The following KMT2A variants were observed in gnomAD, a reference collection of about 807,000 sequenced individuals.
The protein encoded by KMT2A is histone-lysine N-methyltransferase 2A.
KMT2A carries 16 observed loss-of-function variants against 345.3 expected under a neutral mutation model. The observed-to-expected ratio is 0.05, with a 90% confidence interval of 0.03 to 0.07. The LOEUF (loss-of-function observed/expected upper bound fraction) is 0.07. Among genes scored for constraint, KMT2A ranks in the 10% least tolerant of loss-of-function variants. The probability of loss-of-function intolerance (pLI) is 1.00; values close to 1 mark genes in which losing one functional copy is unlikely to be tolerated. For synonymous variants in KMT2A, 1,599 were observed against 1,778.6 expected, an observed-to-expected ratio of 0.90 and a Z score of 2.54; for missense variants, 3,272 against 4,841.6, an observed-to-expected ratio of 0.68 and a Z score of 9.62.
chr11:118,522,401 G>T lies in KMT2A; in HGVS notation c.*229G>T. ...GATCCATGATCGGCTTTCTCCTGGG[G>T]CCCCTCCAATTGTTTACTGTTAGAA... On this transcript the variant is annotated 3_prime_UTR_variant, in exon 36 of 36. Transcript: ENST00000534358. The surrounding 1 kb of genome is among the most constrained non-coding windows in gnomAD (Gnocchi z 5.4). 1.9e-6 allele frequency: 1 copy of T among 518,404 alleles called. No individual in the cohort carries two copies. Among genetic ancestry groups the T allele is most frequent in the Non-Finnish European group, 3.4e-6 (1 of 289,916 alleles). 32.1% of individuals were successfully genotyped at this position (518,404 alleles called of 1,614,324 possible).
intron 1 of KMT2A, chr11:118,447,711 A>G (rs1486955207): frequency 9.1e-6 from 4 of 441,626 alleles, no homozygotes; most frequent in South Asian, 1.6e-5. Flanking sequence ...AGTCAGTCCT[A>G]TGAGGAAAGG....
rs200708161 is a variant in KMT2A, at chr11:118,482,474, A to G, written c.4065A>G (p.Val1355=). 1.2e-6 allele frequency: 2 copies of G among 1,613,068 alleles called. No individual in the cohort carries two copies. Among genetic ancestry groups the G allele is most frequent in the Admixed American group, 3.3e-5 (2 of 59,986 alleles). Residue 1355 remains valine, a synonymous_variant, in exon 8 of 36, where the codon GTA becomes GTG. Transcript: ENST00000534358. Reference sequence around the variant, plus strand: ...TGGCTCCCCGCCCAAGTATCCCTGTAAAACAAAAACCAAAAGAAAAGGTGA... The same window carrying G: ...TGGCTCCCCGCCCAAGTATCCCTGTGAAACAAAAACCAAAAGAAAAGGTGA... ...KKVAPRPSIP[V]KQKPKEKEKP...
Position 118,476,648 on chromosome 11 carries a change from T to C in KMT2A, c.3157-157T>C, listed in dbSNP as rs75970907. On this transcript the variant is annotated intron_variant, in intron 3 of 35. Transcript: ENST00000534358. The surrounding 1 kb of genome is among the most constrained non-coding windows in gnomAD (Gnocchi z 4.1). ...CTGCCAATTAGGATACAGTAATAGT[T>C]GATTTCTGTTTTGATATGATTTATC... Among the ~76,000 whole-genome samples the C allele has an allele frequency of 6.6e-6, 1 of 152,250 alleles. No individual in the cohort carries two copies. The highest frequency in any genetic ancestry group is 2.4e-5 in the African/African-American group (1 of 41,470).
chr11:118,473,196 T>G lies in KMT2A; in HGVS notation c.2037T>G (p.Phe679Leu). The change falls in exon 3 of 36, where the codon TTT becomes TTG. Residue 679 changes from phenylalanine to leucine, a missense_variant. Phe to Leu is a conservative substitution (Grantham distance 22). This residue lies in a region of KMT2A where 114 missense variants were observed against 203.2 expected (regional missense o/e 0.56). Coordinates refer to ENST00000534358, the MANE Select transcript of KMT2A (RefSeq NM_001197104.2). This position sits in a 1 kb window ranked among gnomAD's most constrained non-coding sequence, Gnocchi z 5.2. ...ASGTAASARLFSPLHSGTRFD... is the reference protein window; with the variant it reads ...ASGTAASARLLSPLHSGTRFD... ...GTACCGCTGCTTCAGCCCGATTGTT[T>G]TCGCCACTCCATTCTGGAACAAGGT... 1 of 1,613,840 alleles carries G rather than the reference T, an allele frequency of 6.2e-7. No individual in the cohort carries two copies. Among genetic ancestry groups the G allele is most frequent in the Non-Finnish European group, 8.5e-7 (1 of 1,179,894 alleles).
intron 1 of KMT2A, among the ~76,000 whole-genome samples, chr11:118,465,841 A>T (rs1949833754): frequency 6.6e-6 from 1 of 152,156 alleles, no homozygotes; most frequent in Non-Finnish European, 1.5e-5. Flanking sequence ...TTTAAAAGTT[A>T]ACAGTATGGA....
At chr11:118,515,775 G>A (rs1463395656) in intron 31 of KMT2A, among the ~76,000 whole-genome samples, 9 of 134,032 alleles carry the variant, frequency 6.7e-5, no homozygotes, top group Admixed American at 4.5e-4. Flanking sequence ...TGCAACCTCC[G>A]CCTCCCGGGT....
In KMT2A at chr11:118,520,436, A is replaced by G; in HGVS notation, c.11430-366A>G. 1 of 332,034 alleles carries G rather than the reference A, an allele frequency of 3.0e-6. No homozygotes were observed. Among genetic ancestry groups the G allele is most frequent in the Non-Finnish European group, 5.5e-6 (1 of 180,456 alleles). 20.6% of individuals were successfully genotyped at this position (332,034 alleles called of 1,614,324 possible). On this transcript the variant is annotated intron_variant, in intron 33 of 35. Transcript: ENST00000534358. The surrounding 1 kb of genome is among the most constrained non-coding windows in gnomAD (Gnocchi z 4.3). ...GGAAGTCCGAGGCGGACAGATCATG[A>G]GGTCAGGAGTTCGAGACCAGCCTGA...
At position 118,523,688 on chromosome 11, in the gene KMT2A, T is replaced by A. The variant is rs1372019064; in HGVS notation, c.*1516T>A. The A allele has an allele frequency of 4.4e-6, 1 of 226,566 alleles. No individual in the cohort carries two copies. The highest frequency in any genetic ancestry group is 8.8e-6 in the Non-Finnish European group (1 of 113,784). The allele number at this position is 226,566 out of a possible 1,614,324, so 14.0% of individuals were successfully genotyped here. On this transcript the variant is annotated 3_prime_UTR_variant, in exon 36 of 36. Coordinates refer to ENST00000534358, the MANE Select transcript of KMT2A (RefSeq NM_001197104.2). ...TTAAAAGAAGATCGGTTTTTAATAA[T>A]TTTTTATTTTCATAGGATGAAGTTA...
rs143420861 is a variant in KMT2A, at chr11:118,472,649, A to G, written c.1490A>G (p.Gln497Arg). 2.5e-6 allele frequency: 4 copies of G among 1,612,890 alleles called. No homozygotes were observed. The highest frequency in any genetic ancestry group is 1.7e-5 in the Admixed American group (1 of 59,762). ...STDSQASEEI[Q>R]VLPEERSDTP... ...GACTCTCAGGCTTCTGAGGAGATTC[A>G]GGTACTTCCTGAGGAGCGGAGCGAT... The change falls in exon 3 of 36, where the codon CAG becomes CGG. Residue 497 changes from glutamine to arginine, a missense_variant. Physicochemically the swap from Gln to Arg is conservative, Grantham distance 43. Transcript: ENST00000534358.
intron 28 of KMT2A, 84 bp from the exon 29 acceptor site, chr11:118,509,052 C>A: frequency 1.7e-6 from 2 of 1,156,752 alleles, no homozygotes; most frequent in Non-Finnish European, 1.3e-6. Flanking sequence ...ATTTTGTATA[C>A]CACAGCTGTA....
chr11:118,503,102 A>G lies in KMT2A; in HGVS notation c.7210A>G (p.Thr2404Ala), dbSNP rs1555046438. The stretch of plus-strand genomic sequence containing the variant: ...TCCAGATGAAGATACTGAAGTCAAA[A>G]CCTTGAAGCTATCTGGAATGAGCAA... ...SSPDEDTEVK[T>A]LKLSGMSNRS... is the part of the protein sequence containing the mutation. The change falls in exon 27 of 36, where the codon ACC (threonine) becomes GCC (alanine). Residue 2404 changes from threonine (T) to alanine (A), a missense_variant. Transcript: ENST00000534358. This position sits in a 1 kb window ranked among gnomAD's most constrained non-coding sequence, Gnocchi z 5.3. The G allele has an allele frequency of 6.2e-7, 1 of 1,613,180 alleles. No homozygotes were observed. Among genetic ancestry groups the G allele is most frequent in the East Asian group, 2.2e-5 (1 of 44,892 alleles).
intron 29 of KMT2A, 65 bp from the exon 30 acceptor site, chr11:118,509,883 C>T (rs2134430429): frequency 1.7e-6 from 2 of 1,184,726 alleles, no homozygotes; most frequent in Non-Finnish European, 2.4e-6. Flanking sequence ...GTAAAGTACT[C>T]TACATGTAGT....
rs1206955501 is a variant in KMT2A at position 118,481,781 on chromosome 11, T to C, written c.3701T>C (p.Val1234Ala). The C allele has an allele frequency of 6.2e-7, 1 of 1,614,086 alleles. No homozygotes were observed. The highest frequency in any genetic ancestry group is 1.7e-5 in the Admixed American group (1 of 60,010). The change falls in exon 7 of 36, where the codon GTG becomes GCG. Residue 1234 changes from valine (V) to alanine (A), a missense_variant. By Grantham distance (64) the Val-to-Ala change is moderately conservative. Coordinates refer to ENST00000534358, the MANE Select transcript of KMT2A (RefSeq NM_001197104.2). ...EKKDSKESSV[V>A]KNVVDSSQKP... is the part of the protein sequence containing the mutation. ...AAAGACAGCAAAGAGAGCAGTGTTGTGAAGAACGTGGTGGACTCTAGTCAG... is the reference window on the plus strand; with the variant it reads ...AAAGACAGCAAAGAGAGCAGTGTTGCGAAGAACGTGGTGGACTCTAGTCAG...
rs1040958666 is a variant in KMT2A, at chr11:118,525,534, C to T, written c.*3362C>T. 4.9e-5 allele frequency: 11 copies of T among 223,988 alleles called. No individual in the cohort carries two copies. Among genetic ancestry groups the T allele is most frequent in the African/African-American group, 2.2e-4 (10 of 44,636 alleles). 13.9% of individuals were successfully genotyped at this position (223,988 alleles called of 1,614,324 possible). A position where few individuals can be genotyped will look rare whatever the true frequency, so the allele number is the denominator to read the frequency against. On this transcript the variant is annotated 3_prime_UTR_variant, in exon 36 of 36. Coordinates refer to ENST00000534358, the MANE Select transcript of KMT2A (RefSeq NM_001197104.2). ...CCTTTGCCGGGACCCAGCCCGCCAC[C>T]CTGCTCGCCTCCGTCAAACCCCCGG...
Position 118,501,665 on chromosome 11 carries a change from G to A in KMT2A, c.6320-7G>A. On this transcript the variant is annotated splice_polypyrimidine_tract_variant and splice_region_variant and intron_variant, in intron 25 of 35. Coordinates refer to ENST00000534358, the MANE Select transcript of KMT2A (RefSeq NM_001197104.2). ...TTTTAGTTAAGAGTTTTTATTTCCTGCCACAGAAAGTTCATCAAAAGAGAG... is the reference window on the plus strand; with the variant it reads ...TTTTAGTTAAGAGTTTTTATTTCCTACCACAGAAAGTTCATCAAAAGAGAG... 6.3e-7 allele frequency: 1 copy of A among 1,597,608 alleles called. No homozygotes were observed. Among genetic ancestry groups the A allele is most frequent in the Non-Finnish European group, 8.5e-7 (1 of 1,174,168 alleles).
chr11:118,472,870 C>T lies in KMT2A; in HGVS notation c.1711C>T (p.Pro571Ser), dbSNP rs782815641. 6.2e-7 allele frequency: 1 copy of T among 1,614,080 alleles called. No homozygotes were observed. Among genetic ancestry groups the T allele is most frequent in the African/African-American group, 1.3e-5 (1 of 75,014 alleles). The change falls in exon 3 of 36, where the codon CCA becomes TCA. Residue 571 changes from proline (P) to serine (S), a missense_variant. This residue lies in a region of KMT2A where 180 missense variants were observed against 190.7 expected (regional missense o/e 0.94). Coordinates refer to ENST00000534358, the MANE Select transcript of KMT2A (RefSeq NM_001197104.2). ...PPPPLLTPPP[P>S]LQPASSISDH... Reference sequence around the variant, plus strand: ...TCCACCTCTGCTGACTCCACCGCCACCACTGCAGCCAGCCTCCAGTATCTC... The same window carrying T: ...TCCACCTCTGCTGACTCCACCGCCATCACTGCAGCCAGCCTCCAGTATCTC...
At position 118,486,005 on chromosome 11, in the gene KMT2A, C is replaced by A. The variant is rs550155463; in HGVS notation, c.4332+1030C>A. On this transcript the variant is annotated intron_variant, in intron 10 of 35. Coordinates refer to ENST00000534358, the MANE Select transcript of KMT2A (RefSeq NM_001197104.2). The stretch of plus-strand genomic sequence containing the variant: ...GGCTGAGGCAGGAGAACGGCATGAA[C>A]CCGGGAGGTGGAGCTTGCAGTGAGC... Among the ~76,000 whole-genome samples, 375 of 152,294 alleles carry A rather than the reference C, an allele frequency of 2.5e-3. 1 individual carries two copies. The highest frequency in any genetic ancestry group is 0.01 in the South Asian group (49 of 4,826).
chr11:118,520,630 G>A lies in KMT2A; in HGVS notation c.11430-172G>A, dbSNP rs1229761694. The A allele has an allele frequency of 1.3e-5, 8 of 596,514 alleles. No individual in the cohort carries two copies. The highest frequency in any genetic ancestry group is 4.6e-4 in the Middle Eastern group (1 of 2,194). The allele number at this position is 596,514 out of a possible 1,614,324, so 37.0% of individuals were successfully genotyped here. On this transcript the variant is annotated intron_variant, in intron 33 of 35. Transcript: ENST00000534358. This position sits in a 1 kb window ranked among gnomAD's most constrained non-coding sequence, Gnocchi z 4.3. ...CGCACCACTGGACTCCAGCCTGGGC[G>A]ACAGAGCGAAACTCCATCTCAAAAA...
At position 118,476,566 on chromosome 11, in the gene KMT2A, A is replaced by G. The variant is rs2134281299; in HGVS notation, c.3157-239A>G. 6.6e-6 allele frequency among the ~76,000 whole-genome samples: 1 copy of G among 152,262 alleles called. No individual in the cohort carries two copies. The highest frequency in any genetic ancestry group is 2.1e-4 in the South Asian group (1 of 4,826). On this transcript the variant is annotated intron_variant, in intron 3 of 35. Transcript: ENST00000534358. This position sits in a 1 kb window ranked among gnomAD's most constrained non-coding sequence, Gnocchi z 4.1. ...TACTGGTCTTGAACTCCTGGCCTCAAATGATCTTCCCACCTCAAGCTGTTT... is the reference window on the plus strand; with the variant it reads ...TACTGGTCTTGAACTCCTGGCCTCAGATGATCTTCCCACCTCAAGCTGTTT...
Sources: allele counts gnomAD v4.1 joint callset (sites outside exome capture counted in the v4.1 genomes callset), GRCh38; gene constraint gnomAD v4.1.1; regional missense constraint gnomAD v4.1.1; non-coding constraint Gnocchi (gnomAD v3.1); transcripts MANE v1.5; gene names NCBI Gene and HGNC (gene_info 2026-07-23, HGNC 2026-07-21).